Variants in OLA1 observed in about 807,000 individuals in gnomAD.
OLA1 encodes obg-like ATPase 1.
Under a neutral mutation model 48.4 loss-of-function variants are expected in OLA1, and 14 were observed. The ratio of observed to expected loss-of-function variants is 0.29; its 90% CI spans 0.19 to 0.45. The LOEUF is 0.45. Among genes scored for constraint, OLA1 ranks in the 20% least tolerant of loss-of-function variants. OLA1 has a pLI of 1.00. For missense variants in OLA1, 325 were observed against 467.1 expected, an observed-to-expected ratio of 0.70 and a Z score of 2.80; for synonymous variants, 127 against 150.4, an observed-to-expected ratio of 0.84 and a Z score of 1.14.
intron 4 of OLA1, among the ~76,000 whole-genome samples, chr2:174,155,297 T>C (rs1686848088): frequency 6.6e-6 from 1 of 152,066 alleles, no homozygotes; most frequent in Admixed American, 6.5e-5. Context: ...AAGGAATCAA[T>C]GAATGAAAGA....
At chr2:174,161,333 C>G (rs1300061593) in intron 4 of OLA1, among the ~76,000 whole-genome samples, 1 of 152,048 alleles carries the variant, frequency 6.6e-6, no homozygotes, top group African/African-American at 2.4e-5. Context: ...TATACACATG[C>G]TGTATATAAA....
At chr2:174,185,496 G>C (rs1210775917) in intron 4 of OLA1, among the ~76,000 whole-genome samples, 1 of 152,010 alleles carries the variant, frequency 6.6e-6, no homozygotes, top group Non-Finnish European at 1.5e-5. Flanking sequence ...TATTTTTTGA[G>C]ACTTTTTTCC....
At chr2:174,216,753 G>T (rs1385451895) in intron 4 of OLA1, among the ~76,000 whole-genome samples, 1 of 151,862 alleles carries the variant, frequency 6.6e-6, no homozygotes, top group Non-Finnish European at 1.5e-5. Context: ...TCTCTATGTT[G>T]ACCAGGCTGG....
chr2:174,173,195 T>C (rs1252545162), intron 4 of OLA1, among the ~76,000 whole-genome samples: 1 of 152,144 alleles, frequency 6.6e-6, no homozygotes, highest in Non-Finnish European at 1.5e-5. Context: ...GCGAAAAACA[T>C]CAGATCCACC....
intron 4 of OLA1, among the ~76,000 whole-genome samples, chr2:174,199,454 T>G (rs952153339): frequency 6.6e-6 from 1 of 151,506 alleles, no homozygotes; most frequent in Non-Finnish European, 1.5e-5. Flanking sequence ...TAGTGGGGGG[T>G]TGGGAGGTGG....
intron 1 of OLA1, chr2:174,247,597 T>C (rs1000436182): frequency 1.3e-6 from 2 of 1,543,854 alleles, no homozygotes; most frequent in East Asian, 2.5e-5. Context: ...CACCAAACCA[T>C]TCCTCTATAA....
chr2:174,176,351 C>T (rs1203517244), intron 4 of OLA1, among the ~76,000 whole-genome samples: 1 of 151,980 alleles, frequency 6.6e-6, no homozygotes, highest in Non-Finnish European at 1.5e-5. Context: ...GGGAGAATAG[C>T]AGTTTATAAT....
chr2:174,100,954 T>C (rs901271752), intron 7 of OLA1, among the ~76,000 whole-genome samples: 2 of 152,356 alleles, frequency 1.3e-5, no homozygotes, highest in East Asian at 1.9e-4. Flanking sequence ...TTTCCAGTTT[T>C]GAACTATCAT....
chr2:174,202,461 A>C (rs1010434193), intron 4 of OLA1, among the ~76,000 whole-genome samples: 1 of 152,190 alleles, frequency 6.6e-6, no homozygotes, highest in African/African-American at 2.4e-5. Flanking sequence ...TTACAGTAAA[A>C]AGTGATCTCT....
chr2:174,095,595 C>G (rs1452321371), intron 7 of OLA1, among the ~76,000 whole-genome samples: 1 of 151,950 alleles, frequency 6.6e-6, no homozygotes, highest in Admixed American at 6.6e-5. Context: ...CAAAACAATT[C>G]AATGGGTAAA....
intron 4 of OLA1, among the ~76,000 whole-genome samples, chr2:174,212,048 T>C (rs898918560): frequency 6.6e-6 from 1 of 152,202 alleles, no homozygotes; most frequent in Non-Finnish European, 1.5e-5. Context: ...TTGAGTACTA[T>C]TCCCAACTAC....
At chr2:174,176,030 A>G (rs1687413672) in intron 4 of OLA1, among the ~76,000 whole-genome samples, 1 of 152,058 alleles carries the variant, frequency 6.6e-6, no homozygotes, top group Non-Finnish European at 1.5e-5. Context: ...CATAAGGGTT[A>G]GGGGAGAGGA....
chr2:174,119,968 C>T (rs1298100751), intron 7 of OLA1, among the ~76,000 whole-genome samples: 2 of 151,920 alleles, frequency 1.3e-5, no homozygotes, highest in Non-Finnish European at 2.9e-5. Context: ...CACACACACA[C>T]ACACACACAC....
intron 4 of OLA1, among the ~76,000 whole-genome samples, chr2:174,142,324 G>A (rs1222787503): frequency 6.6e-6 from 1 of 152,164 alleles, no homozygotes; most frequent in Non-Finnish European, 1.5e-5. Flanking sequence ...AGGCATGAAA[G>A]ATTGAAGTTC....
intron 7 of OLA1, among the ~76,000 whole-genome samples, chr2:174,117,605 GTAGA>G (rs1015740141): frequency 3.3e-5 from 5 of 152,194 alleles, no homozygotes; most frequent in South Asian, 4.1e-4. Context: ...AAATCCAAAG[GTAGA>G]TGCTGTGTCT....
chr2:174,075,121 C>T lies in OLA1; in HGVS notation c.*305G>A, dbSNP rs561560467. The T allele has an allele frequency of 2.6e-5, 7 of 269,664 alleles. No individual in the cohort carries two copies. In the East Asian group the frequency reaches 6.7e-4, roughly 26 times the overall value. The allele number at this position is 269,664 out of a possible 1,614,324, so 16.7% of individuals were successfully genotyped here. Reference sequence around the variant, plus strand: ...TGTCCTCACTGTCAAATGTGTCAGGCTTGGCATACATGATGGAGATTAATG... The same window carrying T: ...TGTCCTCACTGTCAAATGTGTCAGGTTTGGCATACATGATGGAGATTAATG... On this transcript the variant is annotated 3_prime_UTR_variant, in exon 11 of 11. Coordinates refer to ENST00000284719, the MANE Select transcript of OLA1 (RefSeq NM_013341.5).
intron 4 of OLA1, among the ~76,000 whole-genome samples, chr2:174,151,075 A>G (rs1686735259): frequency 6.6e-6 from 1 of 151,496 alleles, no homozygotes; most frequent in Admixed American, 6.6e-5. Flanking sequence ...AGGATAGGGA[A>G]GTCCAAATAT....
rs201488222 is a variant in OLA1 at position 174,075,257 on chromosome 2, G to GC, written c.*168_*169insG. 7.0e-5 allele frequency: 31 copies of GC among 442,500 alleles called. 3 individuals carry two copies. The highest frequency in any genetic ancestry group is 6.2e-4 in the Middle Eastern group (1 of 1,604). The allele number at this position is 442,500 out of a possible 1,614,324, so 27.4% of individuals were successfully genotyped here. A position where few individuals can be genotyped will look rare whatever the true frequency, so the allele number is the denominator to read the frequency against. On this transcript the variant is annotated 3_prime_UTR_variant, in exon 11 of 11. Transcript: ENST00000284719. Reference sequence around the variant, plus strand: ...ATTTAGTGAACCTGCATTTCATGGGGGGGGGGGGGTACACAGTATTTTAAT... The same window carrying GC: ...ATTTAGTGAACCTGCATTTCATGGGGCGGGGGGGGGTACACAGTATTTTAAT...
At chr2:174,079,610 A>G (rs1006771737) in intron 9 of OLA1, among the ~76,000 whole-genome samples, 2 of 151,964 alleles carry the variant, frequency 1.3e-5, no homozygotes, top group African/African-American at 4.8e-5. Flanking sequence ...AAAATTTTTG[A>G]ACATTTTGCA....
Sources: allele counts gnomAD v4.1 joint callset (sites outside exome capture counted in the v4.1 genomes callset), GRCh38; gene constraint gnomAD v4.1.1; transcripts MANE v1.5; gene names NCBI Gene and HGNC (gene_info 2026-07-23, HGNC 2026-07-21).